Variants in TRPC4 observed in about 807,000 individuals in gnomAD.
The protein encoded by TRPC4 is transient receptor potential cation channel subfamily C member 4, also known as short transient receptor potential channel 4.
Under a neutral mutation model 99.4 loss-of-function variants are expected in TRPC4, and 49 were observed. That is an observed-to-expected ratio of 0.49 (90% confidence interval 0.39 to 0.63). The LOEUF (loss-of-function observed/expected upper bound fraction) is 0.63. TRPC4 is among the 20% of genes least tolerant of loss of function. TRPC4 has a pLI of 0.00. For missense variants in TRPC4, 898 were observed against 1,152.9 expected, an observed-to-expected ratio of 0.78 and a Z score of 3.20; for synonymous variants, 454 against 425.9, an observed-to-expected ratio of 1.07 and a Z score of -0.81.
At chr13:37,765,303 C>T (rs1231319952) in intron 2 of TRPC4, among the ~76,000 whole-genome samples, 1 of 151,474 alleles carries the variant, frequency 6.6e-6, no homozygotes, top group Non-Finnish European at 1.5e-5. Context: ...GGCTTAAAAG[C>T]ATGTCCACAG....
intron 1 of TRPC4, among the ~76,000 whole-genome samples, chr13:37,814,233 A>T (rs1957780694): frequency 6.6e-6 from 1 of 151,792 alleles, no homozygotes; most frequent in Admixed American, 6.6e-5. Flanking sequence ...CTTACTGGAA[A>T]ATACTGAGCA....
At chr13:37,705,222 T>C (rs1954231875) in intron 3 of TRPC4, among the ~76,000 whole-genome samples, 1 of 152,156 alleles carries the variant, frequency 6.6e-6, no homozygotes, top group Non-Finnish European at 1.5e-5. Flanking sequence ...CAGCATGATC[T>C]CACTGATATG....
chr13:37,639,744 C>T (rs1437801072), intron 8 of TRPC4, among the ~76,000 whole-genome samples: 1 of 146,804 alleles, frequency 6.8e-6, no homozygotes, highest in African/African-American at 2.5e-5. Flanking sequence ...ACTCTCCAAT[C>T]ATATATATAT....
chr13:37,715,770 C>A (rs1954641151), intron 3 of TRPC4, among the ~76,000 whole-genome samples: 1 of 152,132 alleles, frequency 6.6e-6, no homozygotes, highest in Non-Finnish European at 1.5e-5. Context: ...TCAGATAAGA[C>A]ACTTGCGAAA....
chr13:37,770,275 C>T (rs1056216230), intron 2 of TRPC4, among the ~76,000 whole-genome samples: 1 of 151,442 alleles, frequency 6.6e-6, no homozygotes, highest in African/African-American at 2.4e-5. Context: ...CTAAGCTTCA[C>T]TTTCCACATA....
chr13:37,744,993 A>G (rs1305993394), intron 3 of TRPC4, among the ~76,000 whole-genome samples: 1 of 152,154 alleles, frequency 6.6e-6, no homozygotes, highest in Non-Finnish European at 1.5e-5. Context: ...TATTCCTGAC[A>G]AATCAAAAAA....
chr13:37,793,785 T>G (rs900271087), intron 1 of TRPC4, among the ~76,000 whole-genome samples: 1 of 152,104 alleles, frequency 6.6e-6, no homozygotes, highest in African/African-American at 2.4e-5. Flanking sequence ...TGGTGGTGGC[T>G]TAAACTGAAG....
intron 1 of TRPC4, among the ~76,000 whole-genome samples, chr13:37,800,489 T>C (rs1957372656): frequency 6.6e-6 from 1 of 152,234 alleles, no homozygotes; most frequent in Admixed American, 6.5e-5. Context: ...TTTCTAATAA[T>C]CTACTCCCAT....
intron 3 of TRPC4, among the ~76,000 whole-genome samples, chr13:37,712,899 A>C (rs1464422725): frequency 6.6e-6 from 1 of 152,206 alleles, no homozygotes; most frequent in Non-Finnish European, 1.5e-5. Context: ...AAAGAAATGC[A>C]TGAGGTTTAC....
chr13:37,687,811 C>T (rs1256657864), intron 4 of TRPC4, among the ~76,000 whole-genome samples: 6 of 152,088 alleles, frequency 3.9e-5, no homozygotes, highest in South Asian at 2.1e-4. Flanking sequence ...TCCAGACACC[C>T]GAAAAGTATA....
intron 4 of TRPC4, among the ~76,000 whole-genome samples, chr13:37,684,794 T>C (rs913691894): frequency 5.0e-5 from 7 of 140,646 alleles, no homozygotes; most frequent in South Asian, 2.3e-4. Flanking sequence ...GAGTACCCCT[T>C]ACACACACAC....
At chr13:37,848,109 G>T (rs1202568654) in intron 1 of TRPC4, among the ~76,000 whole-genome samples, 1 of 152,084 alleles carries the variant, frequency 6.6e-6, no homozygotes, top group Admixed American at 6.5e-5. Context: ...AAATGAGTTT[G>T]TCAGGACATA....
intron 1 of TRPC4, among the ~76,000 whole-genome samples, chr13:37,840,235 T>A (rs867142727): frequency 2.2e-4 from 34 of 152,100 alleles, no homozygotes; most frequent in African/African-American, 7.2e-4. Flanking sequence ...TTTCAGCCAA[T>A]GGGCTGTAGA....
intron 3 of TRPC4, among the ~76,000 whole-genome samples, chr13:37,692,717 T>G (rs1457443834): frequency 6.6e-6 from 1 of 152,228 alleles, no homozygotes; most frequent in African/African-American, 2.4e-5. Flanking sequence ...TTTTTTGATA[T>G]AGTTGTTATC....
At chr13:37,827,664 GCTCTCTTCAAAGCTGTCAGA>G (rs1207835114) in intron 1 of TRPC4, among the ~76,000 whole-genome samples, 1 of 152,198 alleles carries the variant, frequency 6.6e-6, no homozygotes, top group African/African-American at 2.4e-5. Flanking sequence ...GAGAACCACT[GCTCTCTTCAAAGCTGTCAGA>G]CAGGGACATT....
intron 1 of TRPC4, among the ~76,000 whole-genome samples, chr13:37,868,603 T>C (rs1466133654): frequency 6.6e-6 from 1 of 151,128 alleles, no homozygotes; most frequent in African/African-American, 2.4e-5. Context: ...CGGTGTTTTA[T>C]TAAAACTGAA....
intron 1 of TRPC4, among the ~76,000 whole-genome samples, chr13:37,857,021 A>G (rs915445841): frequency 6.6e-6 from 1 of 151,478 alleles, no homozygotes; most frequent in Admixed American, 6.6e-5. Flanking sequence ...CTTATTCAAC[A>G]TAGTACCTAA....
chr13:37,838,246 C>G (rs1458289571), intron 1 of TRPC4, among the ~76,000 whole-genome samples: 1 of 152,190 alleles, frequency 6.6e-6, no homozygotes, highest in Non-Finnish European at 1.5e-5. Flanking sequence ...TCTGAGCCAG[C>G]TGTTCTTAGT....
chr13:37,660,699 AC>A (rs1448316459), intron 6 of TRPC4, among the ~76,000 whole-genome samples: 1 of 152,218 alleles, frequency 6.6e-6, no homozygotes, highest in African/African-American at 2.4e-5. Context: ...TATGACATGA[AC>A]TGTGTTAGGT....
Sources: gnomAD v4.1 joint callset for allele counts (sites outside exome capture counted in the v4.1 genomes callset) on GRCh38, gnomAD v4.1.1 for gene constraint, MANE v1.5 for transcripts, NCBI Gene and HGNC (gene_info 2026-07-23, HGNC 2026-07-21) for gene names.